ESF1: variants seen among roughly 807,000 people sequenced by gnomAD.
ESF1 encodes the protein ESF1 homolog.
Under a neutral mutation model 92.0 loss-of-function variants are expected in ESF1, and 58 were observed. The observed-to-expected ratio is 0.63, with a 90% CI of 0.51 to 0.78. The LOEUF is 0.78. Ranked by LOEUF, ESF1 falls within the 30% of genes least tolerant of loss-of-function variation. ESF1 has a pLI of 0.00. For synonymous variants in ESF1, 321 were observed against 313.7 expected (o/e 1.02, Z -0.24); for missense variants, 922 against 989.1 (o/e 0.93, Z 0.91).
In ESF1 at chr20:13,714,863, G is replaced by A. The variant is rs551224984; in HGVS notation, c.*11C>T. On this transcript the variant is annotated 3_prime_UTR_variant, in exon 14 of 14. Transcript: ENST00000617257. The stretch of plus-strand genomic sequence containing the variant: ...AAAGATGTATTCAGTTCAAAAATAA[G>A]TAACATCCAGTTATTTGACTTTTTG... 9.5e-6 allele frequency: 15 copies of A among 1,581,286 alleles called. No homozygotes were observed. In the South Asian group the frequency reaches 1.8e-4, roughly 18 times the overall value.
chr20:13,722,963 A>AC (rs1491102716), intron 11 of ESF1, among the ~76,000 whole-genome samples: 1 of 152,220 alleles, frequency 6.6e-6, no homozygotes, highest in African/African-American at 2.4e-5. Context: ...GTCAGATATT[A>AC]GAGTTTTACA....
chr20:13,771,330 C>A lies in ESF1; in HGVS notation c.1403+1G>T, dbSNP rs1359133159. 1 of 1,610,732 alleles carries A rather than the reference C, an allele frequency of 6.2e-7. No homozygotes were observed. Among genetic ancestry groups the A allele is most frequent in the Admixed American group, 1.7e-5 (1 of 59,974 alleles). ...AATTGGTAATACATACACTGGATTA[C>A]CTTAGATCTATGAAAGAACAACTAC... On this transcript the variant is annotated splice_donor_variant, in intron 6 of 13. Coordinates refer to ENST00000617257, the MANE Select transcript of ESF1 (RefSeq NM_001276380.2). LOFTEE classifies it high-confidence loss of function.
chr20:13,740,253 C>T, intron 9 of ESF1, among the ~76,000 whole-genome samples: 1 of 152,038 alleles, frequency 6.6e-6, no homozygotes, highest in East Asian at 1.9e-4. Flanking sequence ...AATGAGATCA[C>T]AATCAAACTT....
chr20:13,769,867 AAT>A (rs1979602597), intron 7 of ESF1, 38 bp downstream of exon 7: 2 of 1,228,814 alleles, frequency 1.6e-6, no homozygotes, highest in Non-Finnish European at 2.4e-6. Context: ...TTCATAAAGC[AAT>A]AGAGTCCAGC....
intron 7 of ESF1, among the ~76,000 whole-genome samples, chr20:13,768,332 A>C (rs1473051397): frequency 6.6e-6 from 1 of 152,090 alleles, no homozygotes; most frequent in Non-Finnish European, 1.5e-5. Flanking sequence ...GGAGAAAGAA[A>C]AAGGAGAAGG....
intron 4 of ESF1, among the ~76,000 whole-genome samples, chr20:13,774,142 T>C (rs2147776065): frequency 6.6e-6 from 1 of 152,324 alleles, no homozygotes; most frequent in Admixed American, 6.5e-5. Context: ...GTTTATTCTT[T>C]TAGATGATTA....
intron 9 of ESF1, among the ~76,000 whole-genome samples, chr20:13,736,133 T>C (rs2049974069): frequency 6.6e-6 from 1 of 152,168 alleles, no homozygotes; most frequent in Non-Finnish European, 1.5e-5. Flanking sequence ...TTGTAGGTTC[T>C]ACATCAGGTT....
chr20:13,783,263 TTC>T, intron 1 of ESF1, 80 bp from the exon 2 acceptor site: 2 of 1,006,612 alleles, frequency 2.0e-6, no homozygotes, highest in Middle Eastern at 3.3e-4. Flanking sequence ...TCACAATATA[TTC>T]TAAGTTAATA....
chr20:13,766,993 A>G, intron 7 of ESF1, 69 bp from the exon 8 acceptor site: 2 of 1,469,362 alleles, frequency 1.4e-6, no homozygotes, highest in Non-Finnish European at 1.9e-6. Flanking sequence ...GTTAAAGAAT[A>G]TATACTATTA....
At chr20:13,759,889 A>T in intron 8 of ESF1, 36 bp from the exon 9 acceptor site, 1 of 1,555,644 alleles carries the variant, frequency 6.4e-7, no homozygotes, top group Non-Finnish European at 8.6e-7. Flanking sequence ...ACACAGAAAC[A>T]ATTCATTTCT....
At chr20:13,728,914 T>C (rs2049922360) in intron 10 of ESF1, among the ~76,000 whole-genome samples, 1 of 151,544 alleles carries the variant, frequency 6.6e-6, no homozygotes, top group African/African-American at 2.4e-5. Flanking sequence ...AGTTTTTAAA[T>C]GGACCAGTTT....
chr20:13,755,281 C>A (rs1978841506), intron 9 of ESF1, among the ~76,000 whole-genome samples: 1 of 152,126 alleles, frequency 6.6e-6, no homozygotes, highest in South Asian at 2.1e-4. Context: ...AAAAACAGGA[C>A]TTTTACCATA....
chr20:13,753,961 G>T (rs1244294540), intron 9 of ESF1, among the ~76,000 whole-genome samples: 1 of 152,134 alleles, frequency 6.6e-6, no homozygotes, highest in Non-Finnish European at 1.5e-5. Flanking sequence ...CAATTCCCTT[G>T]GTGTGAAAGT....
At chr20:13,784,188 A>G (rs1980477123) in intron 1 of ESF1, among the ~76,000 whole-genome samples, 1 of 152,114 alleles carries the variant, frequency 6.6e-6, no homozygotes, top group South Asian at 2.1e-4. Context: ...ATATGTGTGT[A>G]TAAATTAATA....
chr20:13,747,261 TAA>T (rs34422643), intron 9 of ESF1, among the ~76,000 whole-genome samples: 95 of 145,360 alleles, frequency 6.5e-4, no homozygotes, highest in Admixed American at 1.0e-3. Context: ...AGTTGTATAT[TAA>T]AAAAAAAAAA....
intron 9 of ESF1, among the ~76,000 whole-genome samples, chr20:13,747,118 G>A (rs1453583475): frequency 6.6e-6 from 1 of 152,132 alleles, no homozygotes; most frequent in Non-Finnish European, 1.5e-5. Flanking sequence ...CTGGTGGTAC[G>A]CTGGTTGGGA....
At position 13,766,799 on chromosome 20, in the gene ESF1, C is replaced by T. The variant is rs890124706; in HGVS notation, c.1644G>A (p.Glu548=). The T allele has an allele frequency of 1.2e-6, 2 of 1,613,736 alleles. No homozygotes were observed. Among genetic ancestry groups the T allele is most frequent in the Non-Finnish European group, 8.5e-7 (1 of 1,179,862 alleles). ...AYLASSSEDE[E]EIEEELQGDD... is the part of the protein sequence containing the mutation. ...TACCTTGTAGCTCCTCTTCTATCTC[C>T]TCTTCATCTTCACTAGAGGAAGCTA... The change falls in exon 8 of 14, where the codon GAG becomes GAA. Residue 548 remains glutamate, a synonymous_variant. Coordinates refer to ENST00000617257, the MANE Select transcript of ESF1 (RefSeq NM_001276380.2).
chr20:13,737,514 T>G (rs2049982731), intron 9 of ESF1, among the ~76,000 whole-genome samples: 1 of 152,186 alleles, frequency 6.6e-6, no homozygotes, highest in African/African-American at 2.4e-5. Context: ...AAATGTATAT[T>G]TAAACATTTC....
At chr20:13,749,438 C>T (rs117789011) in intron 9 of ESF1, among the ~76,000 whole-genome samples, 21 of 152,124 alleles carry the variant, frequency 1.4e-4, no homozygotes, top group Non-Finnish European at 2.4e-4. Flanking sequence ...CAAATACCAA[C>T]GGGAACTCAG....
Sources: allele counts gnomAD v4.1 joint callset (sites outside exome capture counted in the v4.1 genomes callset), GRCh38; gene constraint gnomAD v4.1.1; transcripts MANE v1.5; gene names NCBI Gene and HGNC (gene_info 2026-07-23, HGNC 2026-07-21).